Variants in FHOD1 observed in about 807,000 individuals in gnomAD.
The protein encoded by FHOD1 is FH1/FH2 domain-containing protein 1.
A neutral mutation model predicts 111.6 loss-of-function variants in FHOD1; 89 were observed. The ratio of observed to expected loss-of-function variants is 0.80; its 90% CI spans 0.67 to 0.95. The LOEUF is 0.95. Ranked by LOEUF, FHOD1 falls within the 40% of genes least tolerant of loss-of-function variation. FHOD1 has a pLI of 0.00. For missense variants in FHOD1, 1,446 were observed against 1,554.2 expected, an observed-to-expected ratio of 0.93 and a Z score of 1.17; for synonymous variants, 618 against 639.0, an observed-to-expected ratio of 0.97 and a Z score of 0.50.
Position 67,236,985 on chromosome 16 carries a change from CG to C in FHOD1, c.1122del (p.Ala375ArgfsTer15). 6.3e-7 allele frequency: 1 copy of C among 1,598,570 alleles called. No homozygotes were observed. ...ACTTACCCAGGTTCCGGGGCACGCG[CG>C]GGGCAGCCCCCGCCTTCCAGAGAAC... is the stretch of plus-strand genomic sequence containing the variant. The part of the protein sequence containing the change: ...SRRSLEGGGC[P>X]ARAPEPGPTG... On this transcript the variant is annotated frameshift_variant, in exon 10 of 22. Coordinates refer to ENST00000258201, the MANE Select transcript of FHOD1 (RefSeq NM_013241.3). LOFTEE classifies it high-confidence loss of function.
rs1567383866 is a variant in FHOD1 at position 67,231,329 on chromosome 16, G to C, written c.2526C>G (p.Ser842Arg). Residue 842 changes from serine (S) to arginine (R), a missense_variant, in exon 17 of 22, where the codon AGC (serine) becomes AGG (arginine). Ser to Arg is a moderately radical substitution (Grantham distance 110). Coordinates refer to ENST00000258201, the MANE Select transcript of FHOD1 (RefSeq NM_013241.3). This position sits in a 1 kb window ranked among gnomAD's most constrained non-coding sequence, Gnocchi z 4.3. ...NGSQSSGFELSYLEKVSEVKD... is the reference protein window; with the variant it reads ...NGSQSSGFELRYLEKVSEVKD... Reference sequence around the variant, plus strand: ...TCACCTCTGACACCTTCTCCAGGTAGCTCAGCTCAAAGCCGCTGCTCTGAA... The same window carrying C: ...TCACCTCTGACACCTTCTCCAGGTACCTCAGCTCAAAGCCGCTGCTCTGAA... 1 of 1,614,132 alleles carries C rather than the reference G, an allele frequency of 6.2e-7. No homozygotes were observed. The highest frequency in any genetic ancestry group is 8.5e-7 in the Non-Finnish European group (1 of 1,179,998).
intron 10 of FHOD1, 91 bp from the exon 11 acceptor site, chr16:67,236,824 C>T: frequency 9.2e-7 from 1 of 1,085,286 alleles, no homozygotes; most frequent in African/African-American, 2.2e-5. Flanking sequence ...GGAGGTGGGG[C>T]ATGTCGGTAG....
rs926875447 is a variant in FHOD1 at position 67,231,319 on chromosome 16, T to C, written c.2536A>G (p.Lys846Glu). The change falls in exon 17 of 22, where the codon AAG becomes GAG. Residue 846 changes from lysine (K) to glutamate (E), a missense_variant. Lys to Glu is a moderately conservative substitution (Grantham distance 56). This residue lies in a region of FHOD1 where 1,085 missense variants were observed against 1,108.8 expected (regional missense o/e 0.98). Transcript: ENST00000258201. The surrounding 1 kb of genome is among the most constrained non-coding windows in gnomAD (Gnocchi z 4.3). ...SSGFELSYLE[K>E]VSEVKDTVRR... ...ACCGTGTCCTTCACCTCTGACACCTTCTCCAGGTAGCTCAGCTCAAAGCCG... is the reference window on the plus strand; with the variant it reads ...ACCGTGTCCTTCACCTCTGACACCTCCTCCAGGTAGCTCAGCTCAAAGCCG... The C allele has an allele frequency of 3.3e-5, 53 of 1,613,974 alleles. No homozygotes were observed. The highest frequency in any genetic ancestry group is 4.2e-5 in the Non-Finnish European group (49 of 1,180,008).
rs180686571 is a variant in FHOD1 at position 67,241,892 on chromosome 16, C to T, written c.202-2438G>A. On this transcript the variant is annotated intron_variant, in intron 1 of 21. Transcript: ENST00000258201. ...CCTGCCTCCTTGCATGCTGTAATCC[C>T]AAGAGAGCAGAGAATGTCCCTCTCC... Among the ~76,000 whole-genome samples the T allele has an allele frequency of 2.0e-3, 301 of 152,314 alleles. 2 individuals are homozygous for T. Among genetic ancestry groups the T allele is most frequent in the Middle Eastern group, 0.01 (3 of 294 alleles).
At position 67,247,406 on chromosome 16, in the gene FHOD1, G is replaced by A. The variant is rs202198443; in HGVS notation, c.5C>T (p.Ala2Val). Residue 2 changes from alanine to valine, a missense_variant, in exon 1 of 22, where the codon GCG becomes GTG. Physicochemically the swap from Ala to Val is moderately conservative, Grantham distance 64. This residue lies in a region of FHOD1 where 127 missense variants were observed against 118.0 expected (regional missense o/e 1.08). Coordinates refer to ENST00000258201, the MANE Select transcript of FHOD1 (RefSeq NM_013241.3). Reference sequence around the variant, plus strand: ...TCCGTCCCCGCGGTCTTCCCCGCCCGCCATGGCTCTGCGGCCGGCTCACGC... The same window carrying A: ...TCCGTCCCCGCGGTCTTCCCCGCCCACCATGGCTCTGCGGCCGGCTCACGC... M[A>V]GGEDRGDGEP... The A allele has an allele frequency of 5.2e-5, 84 of 1,612,286 alleles. No individual in the cohort carries two copies. Among genetic ancestry groups the A allele is most frequent in the Non-Finnish European group, 7.0e-5 (82 of 1,179,460 alleles).
Position 67,232,005 on chromosome 16 carries a change from C to T in FHOD1, c.2202+34G>A, listed in dbSNP as rs1489736973. The T allele has an allele frequency of 8.7e-6, 14 of 1,611,428 alleles. No individual in the cohort carries two copies. The South Asian group carries it at 1.3e-4, about 15-fold the overall frequency. On this transcript the variant is annotated intron_variant, in intron 14 of 21. Coordinates refer to ENST00000258201, the MANE Select transcript of FHOD1 (RefSeq NM_013241.3). ...CCACCTACCAAAGGAGAAGGCCAGACCTCCCCCCAACACCCATAGCTGGGT... is the reference window on the plus strand; with the variant it reads ...CCACCTACCAAAGGAGAAGGCCAGATCTCCCCCCAACACCCATAGCTGGGT...
intron 11 of FHOD1, among the ~76,000 whole-genome samples, chr16:67,235,778 C>T (rs1414359624): frequency 6.6e-6 from 1 of 152,196 alleles, no homozygotes; most frequent in East Asian, 1.9e-4. Context: ...GGTTGGGTGT[C>T]CACATCCCCA....
chr16:67,241,939 T>G (rs1261694010), intron 1 of FHOD1, among the ~76,000 whole-genome samples: 2 of 151,770 alleles, frequency 1.3e-5, no homozygotes, highest in African/African-American at 4.8e-5. Context: ...CTGCATCCAT[T>G]TGGGGAAGGG....
At position 67,237,173 on chromosome 16, in the gene FHOD1, G is replaced by T. The variant is rs878940470; in HGVS notation, c.994-59C>A. The T allele has an allele frequency of 1.2e-6, 2 of 1,602,296 alleles. No individual in the cohort carries two copies. Among genetic ancestry groups the T allele is most frequent in the South Asian group, 2.2e-5 (2 of 90,152 alleles). On this transcript the variant is annotated intron_variant, in intron 9 of 21. Transcript: ENST00000258201. This position sits in a 1 kb window ranked among gnomAD's most constrained non-coding sequence, Gnocchi z 5.6. ...TTAACGTGTATGCAGGTGGGGTGGG[G>T]CGCTGGGGACTGCGCTTCTCTCTTC...
At chr16:67,234,583 A>G in intron 11 of FHOD1, 111 bp from the exon 12 acceptor site, 1 of 903,632 alleles carries the variant, frequency 1.1e-6, no homozygotes, top group Non-Finnish European at 1.7e-6. Context: ...ACAGACACAC[A>G]GGGAACAGTC....
In FHOD1 at chr16:67,231,538, C is replaced by T. The variant is rs749021162; in HGVS notation, c.2397G>A (p.Glu799=). The change falls in exon 16 of 22, where the codon GAG becomes GAA. Residue 799 remains glutamate, a synonymous_variant. Transcript: ENST00000258201. The surrounding 1 kb of genome is among the most constrained non-coding windows in gnomAD (Gnocchi z 4.3). ...DYDSMEREIA[E]PLFDLKVGME... ...TACCCACTTTCAGGTCAAACAGTGGCTCAGCAATTTCCTGGTATGGGAGAC... is the reference window on the plus strand; with the variant it reads ...TACCCACTTTCAGGTCAAACAGTGGTTCAGCAATTTCCTGGTATGGGAGAC... The T allele has an allele frequency of 6.2e-7, 1 of 1,614,182 alleles. No individual in the cohort carries two copies. Among genetic ancestry groups the T allele is most frequent in the Non-Finnish European group, 8.5e-7 (1 of 1,180,024 alleles).
rs746773202 is a variant in FHOD1 at position 67,229,683 on chromosome 16, G to C, written c.3448C>G (p.Leu1150Val). ...RTLKSGLGDDLVQALGLSKGP... is the reference protein window; with the variant it reads ...RTLKSGLGDDVVQALGLSKGP... The stretch of plus-strand genomic sequence containing the variant: ...TTGCTTAGTCCCAGTGCCTGCACCA[G>C]GTCATCTCCGAGCCCACTCTTCAAC... The change falls in exon 22 of 22, where the codon CTG becomes GTG. Residue 1150 changes from leucine (L) to valine (V), a missense_variant. Physicochemically the swap from Leu to Val is conservative, Grantham distance 32. Around this residue, in one of 3 missense-constraint regions of FHOD1, gnomAD observed 1,085 missense variants for 1,108.8 expected, o/e 0.98. Coordinates refer to ENST00000258201, the MANE Select transcript of FHOD1 (RefSeq NM_013241.3). The C allele has an allele frequency of 6.2e-7, 1 of 1,614,214 alleles. No individual in the cohort carries two copies. The highest frequency in any genetic ancestry group is 8.5e-7 in the Non-Finnish European group (1 of 1,180,040).
intron 11 of FHOD1, chr16:67,235,873 T>A (rs2034456706): frequency 5.2e-6 from 1 of 190,594 alleles, no homozygotes; most frequent in Non-Finnish European, 9.7e-6. Flanking sequence ...GCCTTTGGGT[T>A]ACCGAGGAGG....
chr16:67,236,389 C>G, intron 11 of FHOD1, 168 bp downstream of exon 11: 1 of 1,456,236 alleles, frequency 6.9e-7, no homozygotes, highest in South Asian at 1.4e-5. Flanking sequence ...GAGCCGAACC[C>G]CACCCGCTGG....
rs1383836137 is a variant in FHOD1, at chr16:67,233,665, G to T, written c.2038C>A (p.Pro680Thr). Residue 680 changes from proline to threonine, a missense_variant, in exon 13 of 22, where the codon CCC becomes ACC. By Grantham distance (38) the Pro-to-Thr change is conservative. Coordinates refer to ENST00000258201, the MANE Select transcript of FHOD1 (RefSeq NM_013241.3). ...CAGATGAGTGGATTTACCTTGGAGGGCAGCACCTCTTTGGCACGAGACTCA... is the reference window on the plus strand; with the variant it reads ...CAGATGAGTGGATTTACCTTGGAGGTCAGCACCTCTTTGGCACGAGACTCA... ...LFESRAKEVL[P>T]SKKAGEGRRT... is the part of the protein sequence containing the mutation. 6.3e-7 allele frequency: 1 copy of T among 1,595,018 alleles called. No homozygotes were observed. Among genetic ancestry groups the T allele is most frequent in the African/African-American group, 1.3e-5 (1 of 74,498 alleles).
chr16:67,229,709 G>C lies in FHOD1; in HGVS notation c.3422C>G (p.Thr1141Arg). ...SRGNRKSLRRTLKSGLGDDLV... is the reference protein window; with the variant it reads ...SRGNRKSLRRRLKSGLGDDLV... ...GTCATCTCCGAGCCCACTCTTCAAC[G>C]TCCTTCTCACTGCAGGGACAGAGCA... Residue 1141 changes from threonine (T) to arginine (R), a missense_variant, in exon 22 of 22, where the codon ACG (threonine) becomes AGG (arginine). Physicochemically the swap from Thr to Arg is moderately conservative, Grantham distance 71 (BLOSUM62 -1). This residue lies in a region of FHOD1 where 1,085 missense variants were observed against 1,108.8 expected (regional missense o/e 0.98). Coordinates refer to ENST00000258201, the MANE Select transcript of FHOD1 (RefSeq NM_013241.3). 6.2e-7 allele frequency: 1 copy of C among 1,613,968 alleles called. No homozygotes were observed. Among genetic ancestry groups the C allele is most frequent in the Non-Finnish European group, 8.5e-7 (1 of 1,179,822 alleles).
chr16:67,244,284 T>C (rs2034747745), intron 1 of FHOD1, among the ~76,000 whole-genome samples: 2 of 152,012 alleles, frequency 1.3e-5, no homozygotes, highest in Non-Finnish European at 2.9e-5. Context: ...CTGAGACACT[T>C]CCCAGAAGGG....
chr16:67,247,459 G>C lies in FHOD1; in HGVS notation c.-49C>G, dbSNP rs887260321. The C allele has an allele frequency of 1.9e-6, 3 of 1,585,276 alleles. No homozygotes were observed. Among genetic ancestry groups the C allele is most frequent in the Non-Finnish European group, 2.6e-6 (3 of 1,162,832 alleles). On this transcript the variant is annotated 5_prime_UTR_variant, in exon 1 of 22. Transcript: ENST00000258201. The stretch of plus-strand genomic sequence containing the variant: ...CGCGCCTCCGAGTCCCGGCCCCAGT[G>C]CAGCTTCTACTCAAAGCACACTGTA...
rs981011645 is a variant in FHOD1, at chr16:67,241,125, C to G, written c.202-1671G>C. Among the ~76,000 whole-genome samples the G allele has an allele frequency of 4.6e-5, 6 of 130,196 alleles. 1 individual carries two copies. The highest frequency in any genetic ancestry group is 2.2e-4 in the Admixed American group (3 of 13,554). 85.4% of individuals were successfully genotyped at this position (130,196 alleles called of 152,430 possible). ...GGGGCCCTTGGATGACCCCCCCCCC[C>G]GCCCACCCCCGCCTGGGACCTGGGA... On this transcript the variant is annotated intron_variant, in intron 1 of 21. Coordinates refer to ENST00000258201, the MANE Select transcript of FHOD1 (RefSeq NM_013241.3).
Sources: allele counts gnomAD v4.1 joint callset (sites outside exome capture counted in the v4.1 genomes callset), GRCh38; gene constraint gnomAD v4.1.1; regional missense constraint gnomAD v4.1.1; non-coding constraint Gnocchi (gnomAD v3.1); transcripts MANE v1.5; gene names NCBI Gene and HGNC (gene_info 2026-07-23, HGNC 2026-07-21).